SLC25A48: variants seen among roughly 807,000 people sequenced by gnomAD.
SLC25A48 encodes the protein CTC-321K16.1.
A neutral mutation model predicts 32.2 loss-of-function variants in SLC25A48; 29 were observed. The observed-to-expected ratio is 0.90, with a 90% confidence interval of 0.67 to 1.23. SLC25A48 has a LOEUF of 1.23. SLC25A48 is among the 50% of genes most tolerant of loss of function. The pLI, the probability that SLC25A48 is intolerant of heterozygous loss-of-function variation, is 0.00. For missense variants in SLC25A48, 399 were observed against 422.7 expected (o/e 0.94, Z 0.49); for synonymous variants, 164 against 172.3 (o/e 0.95, Z 0.38).
intron 1 of SLC25A48, among the ~76,000 whole-genome samples, chr5:135,624,557 G>T (rs1038724498): frequency 1.3e-5 from 2 of 152,232 alleles, no homozygotes; most frequent in African/African-American, 4.8e-5. Flanking sequence ...TTTGGCAAAT[G>T]CTGTTCCAAG....
rs148090347 is a variant in SLC25A48, at chr5:135,597,742, G to A, written c.-849+18145G>A. 1.4e-4 allele frequency among the ~76,000 whole-genome samples: 21 copies of A among 152,272 alleles called. No individual in the cohort carries two copies. The East Asian group carries it at 3.3e-3, about 24-fold the overall frequency. ...CACCTAGCTGGGTGCAGTGGCTCAC[G>A]CCTATAACACTAGTACTTTAGGAGG... is the stretch of plus-strand genomic sequence containing the variant. On this transcript the variant is annotated intron_variant, in intron 1 of 10. Coordinates refer to the SLC25A48 transcript ENST00000646290.
intron 4 of SLC25A48, among the ~76,000 whole-genome samples, chr5:135,858,195 G>A (rs1760492128): frequency 6.6e-6 from 1 of 152,222 alleles, no homozygotes; most frequent in African/African-American, 2.4e-5. Context: ...TTCCCTGTGT[G>A]CCAGGAGACC....
chr5:135,886,611 A>ATATATATC (rs1296591622), intron 7 of SLC25A48, among the ~76,000 whole-genome samples: 2 of 54,176 alleles, frequency 3.7e-5, no homozygotes, highest in Admixed American at 4.4e-4. Flanking sequence ...ATATATATAT[A>ATATATATC]TATATATATA....
Position 135,852,652 on chromosome 5 carries a change from G to A in SLC25A48, c.252G>A (p.Gln84=), listed in dbSNP as rs76272915. ...SVVFGVFSNT[Q]RFLSQHRCGE... is the part of the protein sequence containing the mutation. The stretch of plus-strand genomic sequence containing the variant: ...TGTTTGGGGTCTTCAGTAACACGCA[G>A]CGGTTCCTCAGCCAGCACCGCTGCG... The change falls in exon 4 of 8, where the codon CAG becomes CAA. Residue 84 remains glutamine (Q), a synonymous_variant. Transcript: ENST00000681962. 1.1e-3 allele frequency: 1,738 copies of A among 1,613,852 alleles called. 41 individuals are homozygous for A. In the East Asian group the frequency reaches 0.036, roughly 33 times the overall value.
At chr5:135,641,174 G>A (rs1752829044) in intron 3 of SLC25A48, among the ~76,000 whole-genome samples, 1 of 152,162 alleles carries the variant, frequency 6.6e-6, no homozygotes, top group South Asian at 2.1e-4. Context: ...CAGAAGCTTG[G>A]CTTGGGACGT....
At chr5:135,670,730 G>A (rs551506228) in intron 3 of SLC25A48, among the ~76,000 whole-genome samples, 283 of 152,270 alleles carry the variant, frequency 1.9e-3, no homozygotes, top group African/African-American at 6.6e-3. Flanking sequence ...AGCATTCAAC[G>A]TTTTGCGAGT....
intron 3 of SLC25A48, among the ~76,000 whole-genome samples, chr5:135,796,484 C>T (rs1757183523): frequency 6.6e-6 from 1 of 151,186 alleles, no homozygotes; most frequent in African/African-American, 2.4e-5. Flanking sequence ...TGTACACACC[C>T]CTGTGATATC....
At chr5:135,668,626 GACAA>G (rs1753577766) in intron 3 of SLC25A48, among the ~76,000 whole-genome samples, 1 of 152,174 alleles carries the variant, frequency 6.6e-6, no homozygotes, top group South Asian at 2.1e-4. Flanking sequence ...TTTAGTGTGA[GACAA>G]ACAAATGTAT....
intron 3 of SLC25A48, among the ~76,000 whole-genome samples, chr5:135,759,632 A>G (rs1156912298): frequency 6.6e-6 from 1 of 152,002 alleles, no homozygotes; most frequent in East Asian, 1.9e-4. Context: ...TCCCCCTGCC[A>G]CCAATAGGGC....
At chr5:135,684,446 A>G (rs1753971213) in intron 3 of SLC25A48, among the ~76,000 whole-genome samples, 2 of 152,134 alleles carry the variant, frequency 1.3e-5, no homozygotes, top group African/African-American at 2.4e-5. Flanking sequence ...AGCAGGATTG[A>G]GCATAGGGAG....
chr5:135,627,038 T>C (rs773969336), intron 1 of SLC25A48, among the ~76,000 whole-genome samples: 3 of 151,854 alleles, frequency 2.0e-5, no homozygotes, highest in Non-Finnish European at 4.4e-5. Context: ...AGCCCATCTG[T>C]GAAAAAAGGA....
At chr5:135,702,902 A>C (rs1006411656) in intron 3 of SLC25A48, among the ~76,000 whole-genome samples, 3 of 152,234 alleles carry the variant, frequency 2.0e-5, no homozygotes, top group African/African-American at 7.2e-5. Flanking sequence ...TGGCTCACAC[A>C]GGGCCAGAAT....
chr5:135,734,821 CAAAAAAA>C (rs1186711507), intron 3 of SLC25A48, among the ~76,000 whole-genome samples: 1 of 116,796 alleles, frequency 8.6e-6, no homozygotes, highest in African/African-American at 3.2e-5. Context: ...CATCTCAAAA[CAAAAAAA>C]AAAAAAAAGA....
At chr5:135,647,985 G>T (rs967379712) in intron 3 of SLC25A48, among the ~76,000 whole-genome samples, 1 of 152,196 alleles carries the variant, frequency 6.6e-6, no homozygotes. Context: ...GCCTCCTGGT[G>T]TCTTCTGGCT....
At chr5:135,840,093 A>G (rs1580958170) in intron 1 of SLC25A48, among the ~76,000 whole-genome samples, 1 of 152,198 alleles carries the variant, frequency 6.6e-6, no homozygotes, top group East Asian at 1.9e-4. Flanking sequence ...TTCAAATTGT[A>G]CAGGTCTTTT....
chr5:135,641,358 TGA>T (rs1167085495), intron 3 of SLC25A48, among the ~76,000 whole-genome samples: 1 of 152,248 alleles, frequency 6.6e-6, no homozygotes, highest in Non-Finnish European at 1.5e-5. Flanking sequence ...GTCCAAGGAC[TGA>T]GAGTCCTTTG....
At chr5:135,633,589 T>C (rs1580739848) in intron 2 of SLC25A48, among the ~76,000 whole-genome samples, 1 of 152,026 alleles carries the variant, frequency 6.6e-6, no homozygotes, top group South Asian at 2.1e-4. Flanking sequence ...TCCATAACTA[T>C]GAGAAAATAC....
chr5:135,700,506 T>G (rs1042813032), intron 3 of SLC25A48, among the ~76,000 whole-genome samples: 2 of 151,618 alleles, frequency 1.3e-5, no homozygotes, highest in Admixed American at 1.3e-4. Context: ...AGGACAGCAA[T>G]GAAGGAGGGT....
intron 2 of SLC25A48, among the ~76,000 whole-genome samples, chr5:135,847,481 C>T (rs889344527): frequency 2.6e-5 from 4 of 152,116 alleles, no homozygotes; most frequent in Non-Finnish European, 5.9e-5. Flanking sequence ...ATCTGTGGAA[C>T]CTGTGAATGT....
Sources: gnomAD v4.1 joint callset for allele counts (sites outside exome capture counted in the v4.1 genomes callset) on GRCh38, gnomAD v4.1.1 for gene constraint, MANE v1.5 for transcripts, NCBI Gene and HGNC (gene_info 2026-07-23, HGNC 2026-07-21) for gene names.